SH3RF3: variants seen among roughly 807,000 people sequenced by gnomAD.
SH3RF3 encodes SH3 domain containing ring finger 3.
A neutral mutation model predicts 66.3 loss-of-function variants in SH3RF3; 29 were observed. The ratio of observed to expected loss-of-function variants is 0.44; its 90% CI spans 0.33 to 0.60. The LOEUF is 0.60. SH3RF3 is among the 20% of genes least tolerant of loss of function. The probability of loss-of-function intolerance (pLI) is 0.04; values close to 1 mark genes in which losing one functional copy is unlikely to be tolerated. For synonymous variants in SH3RF3, 583 were observed against 532.0 expected (o/e 1.10, Z -1.32); for missense variants, 1,194 against 1,190.9 (o/e 1.00, Z -0.04).
chr2:109,330,236 G>T (rs1357254476), intron 1 of SH3RF3, among the ~76,000 whole-genome samples: 1 of 152,214 alleles, frequency 6.6e-6, no homozygotes, highest in Non-Finnish European at 1.5e-5. Context: ...AACTCTGTGG[G>T]TTGCAGAAAG....
intron 1 of SH3RF3, among the ~76,000 whole-genome samples, chr2:109,225,474 C>T (rs1679353337): frequency 6.6e-6 from 1 of 152,218 alleles, no homozygotes; most frequent in Non-Finnish European, 1.5e-5. Flanking sequence ...CAGGCCGACT[C>T]CCCACTGGGG....
Position 109,157,424 on chromosome 2 carries a change from C to T in SH3RF3, c.573+27311C>T, listed in dbSNP as rs72944088. On this transcript the variant is annotated intron_variant, in intron 1 of 9. Coordinates refer to ENST00000309415, the MANE Select transcript of SH3RF3 (RefSeq NM_001099289.3). ...AAAAAGGTGAATATGTGTAATGTTG[C>T]CTTGAATATAAATGACATTTTCAAT... is the stretch of plus-strand genomic sequence containing the variant. Among the ~76,000 whole-genome samples, 1,507 of 152,238 alleles carry T rather than the reference C, an allele frequency of 9.9e-3. 21 individuals carry two copies. The highest frequency in any genetic ancestry group is 0.035 in the African/African-American group (1,434 of 41,540).
intron 1 of SH3RF3, among the ~76,000 whole-genome samples, chr2:109,168,039 A>G (rs1360101118): frequency 1.3e-5 from 2 of 152,202 alleles, no homozygotes; most frequent in Non-Finnish European, 2.9e-5. Flanking sequence ...GTTCTGTGCA[A>G]AGTCTCTGTG....
At chr2:109,141,108 C>T (rs576571987) in intron 1 of SH3RF3, among the ~76,000 whole-genome samples, 19 of 152,272 alleles carry the variant, frequency 1.2e-4, no homozygotes, top group South Asian at 6.2e-4. Context: ...TCATTTTAGT[C>T]GACTTCATCC....
chr2:109,252,785 T>C (rs1198910471), intron 1 of SH3RF3, among the ~76,000 whole-genome samples: 2 of 152,226 alleles, frequency 1.3e-5, no homozygotes, highest in Admixed American at 1.3e-4. Context: ...TGTTGTATAA[T>C]AAAGTGTTGA....
At chr2:109,462,144 A>T (rs907864886) in intron 8 of SH3RF3, among the ~76,000 whole-genome samples, 3 of 149,590 alleles carry the variant, frequency 2.0e-5, no homozygotes, top group African/African-American at 7.4e-5. Flanking sequence ...CTTGCTCACT[A>T]GGTCCAGTCA....
intron 1 of SH3RF3, among the ~76,000 whole-genome samples, chr2:109,165,562 G>C (rs938295143): frequency 1.2e-4 from 19 of 152,222 alleles, no homozygotes; most frequent in African/African-American, 4.3e-4. Context: ...GTGGGGGACT[G>C]TGTGGCCAGC....
chr2:109,501,385 T>C, intron 9 of SH3RF3, 118 bp from the exon 10 acceptor site: 1 of 557,706 alleles, frequency 1.8e-6, no homozygotes, highest in Non-Finnish European at 3.3e-6. Flanking sequence ...ATAGAAATTG[T>C]ATAAAGTGGG....
intron 1 of SH3RF3, among the ~76,000 whole-genome samples, chr2:109,282,558 T>G (rs1354659694): frequency 2.6e-5 from 4 of 152,124 alleles, no homozygotes; most frequent in Non-Finnish European, 4.4e-5. Flanking sequence ...CTCAGCTGAC[T>G]GCAGGGCCTG....
chr2:109,220,638 T>C (rs1679208346), intron 1 of SH3RF3, among the ~76,000 whole-genome samples: 1 of 152,182 alleles, frequency 6.6e-6, no homozygotes, highest in South Asian at 2.1e-4. Context: ...CCCAAAGATA[T>C]ACAAATGGCC....
intron 5 of SH3RF3, among the ~76,000 whole-genome samples, chr2:109,431,562 A>G (rs2104566218): frequency 6.6e-6 from 1 of 152,330 alleles, no homozygotes. Flanking sequence ...GATTTTCACC[A>G]CTAAATTTGC....
At chr2:109,245,267 G>C (rs1184165825) in intron 1 of SH3RF3, among the ~76,000 whole-genome samples, 1 of 152,154 alleles carries the variant, frequency 6.6e-6, no homozygotes, top group Non-Finnish European at 1.5e-5. Context: ...CACAGAGACA[G>C]GAGTAGAGCT....
chr2:109,273,466 A>G (rs946075632), intron 1 of SH3RF3, among the ~76,000 whole-genome samples: 1 of 152,214 alleles, frequency 6.6e-6, no homozygotes, highest in African/African-American at 2.4e-5. Context: ...AGGAGGGGAG[A>G]AGGGAGAACT....
intron 1 of SH3RF3, among the ~76,000 whole-genome samples, chr2:109,272,470 T>C (rs72939511): frequency 0.028 from 4,281 of 152,306 alleles, 108 homozygotes; most frequent in African/African-American, 0.072. Flanking sequence ...TCCTGGTGTG[T>C]GGGACGCAGG....
intron 1 of SH3RF3, among the ~76,000 whole-genome samples, chr2:109,168,847 T>C (rs1376290850): frequency 6.6e-6 from 1 of 152,072 alleles, no homozygotes; most frequent in African/African-American, 2.4e-5. Flanking sequence ...TCAGTGAGAG[T>C]TGTCTTTGGA....
intron 1 of SH3RF3, among the ~76,000 whole-genome samples, chr2:109,175,284 G>A (rs115048588): frequency 0.033 from 5,058 of 152,222 alleles, 131 homozygotes; most frequent in South Asian, 0.089. Context: ...CTATTGGCAC[G>A]CTAATCTTTG....
intron 4 of SH3RF3, among the ~76,000 whole-genome samples, chr2:109,400,507 AC>A (rs1180697574): frequency 6.6e-6 from 1 of 150,762 alleles, no homozygotes; most frequent in East Asian, 2.0e-4. Flanking sequence ...TTACACATAC[AC>A]CCCTCCAGGT....
chr2:109,382,620 C>G (rs759132887), intron 3 of SH3RF3, among the ~76,000 whole-genome samples: 1 of 152,178 alleles, frequency 6.6e-6, no homozygotes, highest in Non-Finnish European at 1.5e-5. Context: ...CTTTGGAACA[C>G]CGAGCCCTGT....
chr2:109,289,089 C>T (rs1268059324), intron 1 of SH3RF3, among the ~76,000 whole-genome samples: 1 of 152,142 alleles, frequency 6.6e-6, no homozygotes, highest in African/African-American at 2.4e-5. Context: ...GAGGAGCTGG[C>T]GTTATAAAGC....
Sources: gnomAD v4.1 joint callset for allele counts (sites outside exome capture counted in the v4.1 genomes callset) on GRCh38, gnomAD v4.1.1 for gene constraint, MANE v1.5 for transcripts, NCBI Gene and HGNC (gene_info 2026-07-23, HGNC 2026-07-21) for gene names.